Variants in SYNC observed in about 807,000 individuals in gnomAD.
SYNC encodes the protein syncoilin, intermediate filament protein.
A neutral mutation model predicts 49.5 loss-of-function variants in SYNC; 38 were observed. The observed-to-expected ratio is 0.77, with a 90% CI of 0.59 to 1.01. The LOEUF is 1.01. Among genes scored for constraint, SYNC ranks in the 50% least tolerant of loss-of-function variants. The pLI, the probability that SYNC is intolerant of heterozygous loss-of-function variation, is 0.00. For synonymous variants in SYNC, 201 were observed against 230.8 expected (o/e 0.87, Z 1.17); for missense variants, 579 against 580.6 (o/e 1.00, Z 0.03).
In SYNC at chr1:32,681,411, A is replaced by G. The variant is rs1457333078; in HGVS notation, c.*439T>C. Reference sequence around the variant, plus strand: ...GTGGCACAAAAGAATGGAAATTGTAAACCCATGTAATGGAAATTGGCTATC... The same window carrying G: ...GTGGCACAAAAGAATGGAAATTGTAGACCCATGTAATGGAAATTGGCTATC... On this transcript the variant is annotated 3_prime_UTR_variant, in exon 5 of 5. Transcript: ENST00000409190. The G allele has an allele frequency of 1.2e-5, 2 of 169,014 alleles. No homozygotes were observed. The highest frequency in any genetic ancestry group is 3.3e-4 in the East Asian group (2 of 6,104). 10.5% of individuals were successfully genotyped at this position (169,014 alleles called of 1,614,324 possible).
rs1430163396 is a variant in SYNC at position 32,680,823 on chromosome 1, G to A, written c.*1027C>T. ...GAAAAGAACTTTACTCCTTCCCAGG[G>A]AAAGTGAAAGACATAAAACACTGAA... On this transcript the variant is annotated 3_prime_UTR_variant, in exon 5 of 5. Transcript: ENST00000409190. The A allele has an allele frequency of 2.6e-6, 1 of 385,456 alleles. No individual in the cohort carries two copies. Among genetic ancestry groups the A allele is most frequent in the African/African-American group, 2.1e-5 (1 of 47,978 alleles). 23.9% of individuals were successfully genotyped at this position (385,456 alleles called of 1,614,324 possible).
chr1:32,696,587 A>G (rs1327701165), intron 1 of SYNC, among the ~76,000 whole-genome samples: 4 of 151,658 alleles, frequency 2.6e-5, no homozygotes, highest in Non-Finnish European at 1.5e-5. Context: ...AGCTGGGATT[A>G]TAGGCACACA....
chr1:32,684,043 A>G lies in SYNC; in HGVS notation c.1405T>C (p.Ser469Pro). The G allele has an allele frequency of 6.2e-7, 1 of 1,614,216 alleles. No homozygotes were observed. The highest frequency in any genetic ancestry group is 8.5e-7 in the Non-Finnish European group (1 of 1,180,048). The change falls in exon 4 of 5, where the codon TCT becomes CCT. Residue 469 changes from serine to proline, a missense_variant. Transcript: ENST00000409190. ...KSLEQADAPT[S>P]QAGGMETQSQ... is the part of the protein sequence containing the mutation. ...TGTGTCTCCATTCCACCTGCCTGAG[A>G]AGTGGGAGCATCAGCCTGTTCCAGG...
At chr1:32,690,852 C>T (rs985614734) in intron 2 of SYNC, among the ~76,000 whole-genome samples, 2 of 151,734 alleles carry the variant, frequency 1.3e-5, no homozygotes, top group Middle Eastern at 3.2e-3. Context: ...TTTGGGAGGC[C>T]GAGGCAGGCA....
intron 2 of SYNC, among the ~76,000 whole-genome samples, chr1:32,688,817 A>G (rs981684979): frequency 1.3e-5 from 2 of 151,652 alleles, no homozygotes; most frequent in African/African-American, 2.4e-5. Flanking sequence ...TCCTGACCTC[A>G]TGATCCACTC....
At chr1:32,687,856 T>TTATTATTATTATTATTATTATTA (rs1314721282) in intron 2 of SYNC, among the ~76,000 whole-genome samples, 3 of 9,358 alleles carry the variant, frequency 3.2e-4, no homozygotes, top group Non-Finnish European at 0.013. Flanking sequence ...ATTATTATTA[T>TTATTATTATTATTATTATTATTA]TATTATTTTT....
Position 32,695,492 on chromosome 1 carries a change from C to T in SYNC, c.606G>A (p.Leu202=). The change falls in exon 2 of 5, where the codon TTG becomes TTA. Residue 202 remains leucine, a synonymous_variant. Coordinates refer to ENST00000409190, the MANE Select transcript of SYNC (RefSeq NM_030786.3). ...ERDQLIHELV[L]LREPALQEVQ... ...CCTCCTGCAGGGCTGGTTCCCGGAGCAATACAAGCTCATGGATGAGCTGAT... is the reference window on the plus strand; with the variant it reads ...CCTCCTGCAGGGCTGGTTCCCGGAGTAATACAAGCTCATGGATGAGCTGAT... 2 of 1,551,446 alleles carry T rather than the reference C, an allele frequency of 1.3e-6. No individual in the cohort carries two copies. The highest frequency in any genetic ancestry group is 1.7e-6 in the Non-Finnish European group (2 of 1,146,970).
At chr1:32,698,425 A>C (rs548914750) in intron 1 of SYNC, among the ~76,000 whole-genome samples, 1 of 152,210 alleles carries the variant, frequency 6.6e-6, no homozygotes, top group East Asian at 1.9e-4. Flanking sequence ...AGGCTGAGGC[A>C]GGAGAATGGT....
At chr1:32,694,053 G>C (rs960682442) in intron 2 of SYNC, among the ~76,000 whole-genome samples, 4 of 151,366 alleles carry the variant, frequency 2.6e-5, no homozygotes, top group Admixed American at 6.6e-5. Flanking sequence ...CCTGGGCCAC[G>C]TGGTGAAACC....
chr1:32,695,873 C>T lies in SYNC; in HGVS notation c.225G>A (p.Glu75=). Residue 75 remains glutamate (E), a synonymous_variant, in exon 2 of 5, where the codon GAG becomes GAA. Coordinates refer to ENST00000409190, the MANE Select transcript of SYNC (RefSeq NM_030786.3). ...ACAGGGCCTCCTCTGCCTTCTCAGT[C>T]TCTTGCACATAGAGTGTCTCATCAA... The part of the protein sequence containing the change: ...GDLDETLYVQ[E]TEKAEEALYI... 6.4e-7 allele frequency: 1 copy of T among 1,552,118 alleles called. No homozygotes were observed. Among genetic ancestry groups the T allele is most frequent in the Non-Finnish European group, 8.7e-7 (1 of 1,147,084 alleles).
At chr1:32,685,688 C>G (rs1448445706) in intron 2 of SYNC, 3 of 152,212 alleles carry the variant, frequency 2.0e-5, no homozygotes, top group African/African-American at 7.2e-5. Context: ...CATCTGCATA[C>G]TGCTGTCCTG....
At chr1:32,699,156 T>TTC (rs1322203249) in intron 1 of SYNC, among the ~76,000 whole-genome samples, 19 of 138,328 alleles carry the variant, frequency 1.4e-4, no homozygotes, top group Admixed American at 3.6e-4. Context: ...TTCTTTTCTT[T>TTC]TTTTTTTTTT....
At chr1:32,699,407 G>C (rs1313046646) in intron 1 of SYNC, among the ~76,000 whole-genome samples, 2 of 151,760 alleles carry the variant, frequency 1.3e-5, no homozygotes, top group East Asian at 3.9e-4. Context: ...CAGGGATCAT[G>C]GCCTCCCAAA....
At chr1:32,694,579 A>C (rs1362306100) in intron 2 of SYNC, among the ~76,000 whole-genome samples, 1 of 151,872 alleles carries the variant, frequency 6.6e-6, no homozygotes, top group Non-Finnish European at 1.5e-5. Flanking sequence ...GCATGAACCC[A>C]GGAGGCAGAG....
At chr1:32,684,488 GCA>G (rs1430698068) in intron 2 of SYNC, 106 bp from the exon 3 acceptor site, 10 of 1,499,414 alleles carry the variant, frequency 6.7e-6, no homozygotes, top group Non-Finnish European at 9.1e-6. Flanking sequence ...AATCTTGATA[GCA>G]GTATTGAGGC....
At chr1:32,702,803 C>A (rs948429995), upstream of SYNC, 289 of 640,498 alleles carry the variant, frequency 4.5e-4, 7 homozygotes, top group Admixed American at 0.014. The surrounding 1 kb of genome is among the most constrained non-coding windows in gnomAD (Gnocchi z 6.2). Flanking sequence ...CCCACTTGGC[C>A]GGGGCTCCTG....
chr1:32,702,645 G>A lies in SYNC; in HGVS notation c.16C>T (p.Pro6Ser). 4 of 1,210,084 alleles carry A rather than the reference G, an allele frequency of 3.3e-6. No homozygotes were observed. Among genetic ancestry groups the A allele is most frequent in the Non-Finnish European group, 4.1e-6 (4 of 974,292 alleles). 75.0% of individuals were successfully genotyped at this position (1,210,084 alleles called of 1,614,324 possible). Residue 6 changes from proline to serine, a missense_variant, in exon 1 of 5, where the codon CCC (proline) becomes TCC (serine). By Grantham distance (74) the Pro-to-Ser change is moderately conservative (BLOSUM62 -1). Coordinates refer to ENST00000409190, the MANE Select transcript of SYNC (RefSeq NM_030786.3). This position sits in a 1 kb window ranked among gnomAD's most constrained non-coding sequence, Gnocchi z 6.2. The stretch of plus-strand genomic sequence containing the variant: ...GCGGCGCCGTCCCCGCCGCGCCGGG[G>A]CTCCGGGCTGGCCATGGCTGCGCGA... MASPE[P>S]RRGGDGAAQA...
chr1:32,702,447 G>A lies in SYNC; in HGVS notation c.53+161C>T, dbSNP rs573482982. ...AGGTGCCAGGACCCCGGGACGGCCC[G>A]ACTCCCCGATGTCCCCTCACGAGGC... On this transcript the variant is annotated intron_variant, in intron 1 of 4. Transcript: ENST00000409190. The surrounding 1 kb of genome is among the most constrained non-coding windows in gnomAD (Gnocchi z 6.2). Among the ~76,000 whole-genome samples, 17 of 152,148 alleles carry A rather than the reference G, an allele frequency of 1.1e-4. No individual in the cohort carries two copies. The highest frequency in any genetic ancestry group is 2.0e-4 in the Admixed American group (3 of 15,284).
chr1:32,691,177 C>T (rs191395197), intron 2 of SYNC, among the ~76,000 whole-genome samples: 1,810 of 141,598 alleles, frequency 0.013, 5 homozygotes, highest in Admixed American at 0.038. Flanking sequence ...CAGATCATGC[C>T]ACTGCACTCC....
Sources: allele counts gnomAD v4.1 joint callset (sites outside exome capture counted in the v4.1 genomes callset), GRCh38; gene constraint gnomAD v4.1.1; non-coding constraint Gnocchi (gnomAD v3.1); transcripts MANE v1.5; gene names NCBI Gene and HGNC (gene_info 2026-07-23, HGNC 2026-07-21).